The following GRID1 variants were observed in gnomAD, a reference collection of about 807,000 sequenced individuals.
GRID1 encodes the protein glutamate ionotropic receptor delta type subunit 1.
A neutral mutation model predicts 98.0 loss-of-function variants in GRID1; 28 were observed. The ratio of observed to expected loss-of-function variants is 0.29; its 90% CI spans 0.21 to 0.39. The LOEUF is 0.39. Among genes scored for constraint, GRID1 ranks in the 10% least tolerant of loss-of-function variants. The probability of loss-of-function intolerance (pLI) is 1.00; values close to 1 mark genes in which losing one functional copy is unlikely to be tolerated. For missense variants in GRID1, 1,111 were observed against 1,340.5 expected (o/e 0.83, Z 2.67); for synonymous variants, 553 against 538.5 (o/e 1.03, Z -0.37).
chr10:85,722,480 T>C (rs1029572790), intron 12 of GRID1, among the ~76,000 whole-genome samples: 4 of 152,216 alleles, frequency 2.6e-5, no homozygotes, highest in Admixed American at 6.5e-5. Context: ...CATTCTTTTA[T>C]GCCATAATCT....
intron 3 of GRID1, among the ~76,000 whole-genome samples, chr10:86,180,011 C>G (rs1845632045): frequency 6.6e-6 from 1 of 152,180 alleles, no homozygotes; most frequent in African/African-American, 2.4e-5. Context: ...CCTGAGGCAC[C>G]ACAAAGAAAC....
chr10:85,616,604 C>G (rs1184179426), intron 14 of GRID1, among the ~76,000 whole-genome samples: 1 of 152,158 alleles, frequency 6.6e-6, no homozygotes, highest in Non-Finnish European at 1.5e-5. Flanking sequence ...GATAGTAAGG[C>G]AATTTATACG....
chr10:85,710,116 T>TA (rs902088696), intron 12 of GRID1, among the ~76,000 whole-genome samples: 1 of 151,766 alleles, frequency 6.6e-6, no homozygotes, highest in South Asian at 2.1e-4. Context: ...TTTGTAGAAA[T>TA]AAAAAAAACT....
intron 8 of GRID1, among the ~76,000 whole-genome samples, chr10:85,788,593 C>T (rs148716818): frequency 1.3e-5 from 2 of 152,344 alleles, no homozygotes; most frequent in African/African-American, 4.8e-5. Context: ...AGTCATTACC[C>T]ACAGACTTTT....
intron 2 of GRID1, among the ~76,000 whole-genome samples, chr10:86,212,180 G>A (rs1277336057): frequency 6.6e-6 from 1 of 152,180 alleles, no homozygotes; most frequent in Non-Finnish European, 1.5e-5. Context: ...AGAGACCCAC[G>A]GTTCCTGGTG....
chr10:86,097,800 A>G (rs765734699), intron 4 of GRID1, among the ~76,000 whole-genome samples: 1 of 152,252 alleles, frequency 6.6e-6, no homozygotes, highest in Non-Finnish European at 1.5e-5. Flanking sequence ...GACAAAGCCA[A>G]GTCCACTTTC....
intron 4 of GRID1, among the ~76,000 whole-genome samples, chr10:86,048,198 C>A (rs191074187): frequency 1.3e-5 from 2 of 152,262 alleles, no homozygotes; most frequent in African/African-American, 4.8e-5. Flanking sequence ...GCATTTATTT[C>A]ATTTCAAGTT....
chr10:85,685,623 G>A (rs1329064402), intron 12 of GRID1, among the ~76,000 whole-genome samples: 9 of 152,118 alleles, frequency 5.9e-5, no homozygotes, highest in Non-Finnish European at 1.5e-5. Context: ...CTAGGTTGGA[G>A]ACGTGGATAT....
chr10:85,661,832 C>A (rs1840968828), intron 12 of GRID1, among the ~76,000 whole-genome samples: 1 of 152,176 alleles, frequency 6.6e-6, no homozygotes, highest in South Asian at 2.1e-4. Flanking sequence ...AGAGAGACTT[C>A]CAGCAGGAAA....
At chr10:85,800,554 T>C (rs965028176) in intron 8 of GRID1, among the ~76,000 whole-genome samples, 15 of 152,106 alleles carry the variant, frequency 9.9e-5, no homozygotes, top group African/African-American at 2.9e-4. Context: ...TAGCTAAATT[T>C]ATAGAATATA....
At chr10:85,611,143 C>G (rs150272737) in intron 15 of GRID1, among the ~76,000 whole-genome samples, 1 of 152,236 alleles carries the variant, frequency 6.6e-6, no homozygotes, top group East Asian at 1.9e-4. Flanking sequence ...ATTTTTTTCT[C>G]TTTTCTTTTC....
chr10:85,908,633 T>G (rs1326616171), intron 5 of GRID1, among the ~76,000 whole-genome samples: 3 of 152,208 alleles, frequency 2.0e-5, no homozygotes, highest in African/African-American at 7.2e-5. Context: ...ACAGATTCAC[T>G]GCAATCCCAA....
intron 5 of GRID1, among the ~76,000 whole-genome samples, chr10:85,888,102 A>C (rs1841143326): frequency 6.6e-6 from 1 of 152,208 alleles, no homozygotes. Context: ...ACAGGACTCA[A>C]CAATTCTGTT....
chr10:85,941,239 T>G (rs1035736442), intron 4 of GRID1, among the ~76,000 whole-genome samples: 4 of 152,202 alleles, frequency 2.6e-5, no homozygotes, highest in Non-Finnish European at 5.9e-5. Flanking sequence ...ATTTAGAAAT[T>G]ATAGTCTATA....
chr10:85,821,737 T>G (rs1187133286), intron 8 of GRID1, among the ~76,000 whole-genome samples: 2 of 152,096 alleles, frequency 1.3e-5, no homozygotes, highest in African/African-American at 4.8e-5. Context: ...AAGTCAATCC[T>G]AAGCCAAAAG....
chr10:85,715,741 A>G (rs1254076291), intron 12 of GRID1, among the ~76,000 whole-genome samples: 1 of 152,212 alleles, frequency 6.6e-6, no homozygotes, highest in African/African-American at 2.4e-5. Context: ...GGAAAACAGT[A>G]TGGCAATTTC....
intron 3 of GRID1, among the ~76,000 whole-genome samples, chr10:86,169,145 T>A (rs1171629918): frequency 2.0e-5 from 3 of 152,174 alleles, no homozygotes; most frequent in African/African-American, 7.2e-5. Flanking sequence ...AGGCCTTGTG[T>A]CAGACCTAGG....
At chr10:85,764,003 A>G (rs1047450074) in intron 8 of GRID1, among the ~76,000 whole-genome samples, 4 of 152,188 alleles carry the variant, frequency 2.6e-5, no homozygotes, top group African/African-American at 7.2e-5. Flanking sequence ...ACAGAGAAGG[A>G]GCCCTCTGGA....
At chr10:86,070,346 T>C (rs1843785905) in intron 4 of GRID1, among the ~76,000 whole-genome samples, 1 of 152,176 alleles carries the variant, frequency 6.6e-6, no homozygotes, top group Non-Finnish European at 1.5e-5. Flanking sequence ...GTGTGGTCCA[T>C]ACCCCTTGCC....
Sources: gnomAD v4.1 joint callset for allele counts (sites outside exome capture counted in the v4.1 genomes callset) on GRCh38, gnomAD v4.1.1 for gene constraint, MANE v1.5 for transcripts, NCBI Gene and HGNC (gene_info 2026-07-23, HGNC 2026-07-21) for gene names.